The following SRSF1 variants were observed in gnomAD, a reference collection of about 807,000 sequenced individuals.
SRSF1 encodes serine/arginine-rich splicing factor 1.
In SRSF1, 1 loss-of-function variant was observed where a neutral mutation model predicts 25.9. The observed-to-expected ratio is 0.04, with a 90% CI of 0.01 to 0.18. The LOEUF (loss-of-function observed/expected upper bound fraction) is 0.18. SRSF1 is among the 10% of genes least tolerant of loss of function. SRSF1 has a pLI of 1.00. For synonymous variants in SRSF1, 132 were observed against 126.2 expected (o/e 1.05, Z -0.31); for missense variants, 65 against 350.5 (o/e 0.19, Z 6.50).
chr17:58,000,599 T>A (rs944444484), downstream of SRSF1, among the ~76,000 whole-genome samples: 1 of 152,174 alleles, frequency 6.6e-6, no homozygotes, highest in Admixed American at 6.5e-5. Context: ...TTTTTTCTTG[T>A]GGCTGCTTCA....
Position 58,007,147 on chromosome 17 carries a change from G to A in SRSF1, c.-10C>T. On this transcript the variant is annotated 5_prime_UTR_variant, in exon 1 of 4. Transcript: ENST00000258962. ...CACCACCTCCCGACATGGCGGTGAC[G>A]AAAAGCGCGGACTCGAGAACAGGCC... The A allele has an allele frequency of 1.2e-6, 2 of 1,613,458 alleles. No individual in the cohort carries two copies. Among genetic ancestry groups the A allele is most frequent in the Non-Finnish European group, 1.7e-6 (2 of 1,179,810 alleles).
rs2075416864 is a variant in SRSF1 at position 58,004,907 on chromosome 17, G to A, written c.*499C>T. The A allele has an allele frequency of 2.5e-6, 1 of 400,388 alleles. No individual in the cohort carries two copies. The highest frequency in any genetic ancestry group is 4.4e-6 in the Non-Finnish European group (1 of 227,086). 24.8% of individuals were successfully genotyped at this position (400,388 alleles called of 1,614,324 possible). A position where few individuals can be genotyped will look rare whatever the true frequency, so the allele number is the denominator to read the frequency against. ...ACTGCCAATTTCATCTGTGACAATAGCACTTGGAGTCATACCATTGCCTCC... is the reference window on the plus strand; with the variant it reads ...ACTGCCAATTTCATCTGTGACAATAACACTTGGAGTCATACCATTGCCTCC... On this transcript the variant is annotated 3_prime_UTR_variant, in exon 4 of 4. Coordinates refer to ENST00000258962, the MANE Select transcript of SRSF1 (RefSeq NM_006924.5).
At chr17:57,996,980 A>G (rs2075367935), downstream of SRSF1, among the ~76,000 whole-genome samples, 1 of 152,236 alleles carries the variant, frequency 6.6e-6, no homozygotes, top group Non-Finnish European at 1.5e-5. Context: ...CCAAAGAGAA[A>G]TATGCAGGAA....
chr17:58,000,103 C>T (rs1169481522), downstream of SRSF1, among the ~76,000 whole-genome samples: 1 of 152,066 alleles, frequency 6.6e-6, no homozygotes, highest in Non-Finnish European at 1.5e-5. Context: ...ATGACAGAGT[C>T]ATTTATTCAA....
At chr17:57,997,252 G>A (rs2075368871), downstream of SRSF1, among the ~76,000 whole-genome samples, 1 of 152,118 alleles carries the variant, frequency 6.6e-6, no homozygotes, top group Admixed American at 6.5e-5. Context: ...CTTGGACTTA[G>A]GCTAGCATTT....
rs1598058848 is a variant in SRSF1 at position 58,001,741 on chromosome 17, T to C, written c.*3665A>G. Among the ~76,000 whole-genome samples the C allele has an allele frequency of 6.6e-6, 1 of 152,216 alleles. No individual in the cohort carries two copies. Among genetic ancestry groups the C allele is most frequent in the African/African-American group, 2.4e-5 (1 of 41,454 alleles). On this transcript the variant is annotated 3_prime_UTR_variant, in exon 4 of 4. Coordinates refer to ENST00000258962, the MANE Select transcript of SRSF1 (RefSeq NM_006924.5). ...CGGATAGAGACCTAAAGGTCCATTT[T>C]CTGAGACTATAAATAGGAGCAGTCC...
chr17:57,990,151 A>G, the SRSF1 span: 1 of 158,960 alleles, frequency 6.3e-6, no homozygotes, highest in Non-Finnish European at 1.4e-5. Flanking sequence ...TATTCTAATG[A>G]CAATATCGCT....
At chr17:57,992,522 C>T in the SRSF1 span, 7 of 152,250 alleles carry the variant, frequency 4.6e-5, no homozygotes, top group Admixed American at 4.6e-4. Flanking sequence ...AATTCCTACA[C>T]AAAGTTTCTC....
chr17:57,996,948 A>C (rs918226562), downstream of SRSF1, among the ~76,000 whole-genome samples: 11 of 152,212 alleles, frequency 7.2e-5, no homozygotes, highest in African/African-American at 1.4e-4. Context: ...AACAACAAAA[A>C]AACAACCAAA....
chr17:57,993,516 T>C, the SRSF1 span: 8 of 152,254 alleles, frequency 5.3e-5, no homozygotes, highest in African/African-American at 1.7e-4. Flanking sequence ...ACTCAGCATC[T>C]ACTCTTTAAG....
intron 2 of SRSF1, 38 bp downstream of exon 2, chr17:58,006,305 C>T: frequency 6.4e-7 from 1 of 1,553,678 alleles, no homozygotes. Flanking sequence ...AGGTAGTTTT[C>T]GTCCCTTCAC....
the SRSF1 span, among the ~76,000 whole-genome samples, chr17:57,995,125 A>AG: frequency 6.6e-6 from 1 of 152,268 alleles, no homozygotes; most frequent in Admixed American, 6.5e-5. Flanking sequence ...CCTAAGAGAT[A>AG]GTATGTGTAG....
chr17:58,000,762 G>A (rs1315749165), downstream of SRSF1, among the ~76,000 whole-genome samples: 1 of 152,114 alleles, frequency 6.6e-6, no homozygotes, highest in Non-Finnish European at 1.5e-5. Flanking sequence ...TTTGGAGACA[G>A]ACATATCTGG....
intron 2 of SRSF1, 143 bp downstream of exon 2, chr17:58,006,200 C>A: frequency 8.9e-7 from 1 of 1,127,572 alleles, no homozygotes. Flanking sequence ...CAGCAGCAAT[C>A]CTCGTTTATT....
In SRSF1 at chr17:58,002,363, T is replaced by G. The variant is rs922670770; in HGVS notation, c.*3043A>C. ...TTACACATTTCTTCCACTACCAAGATTTCTGGTTTTCCTTAGGTTTTTAAT... is the reference window on the plus strand; with the variant it reads ...TTACACATTTCTTCCACTACCAAGAGTTCTGGTTTTCCTTAGGTTTTTAAT... On this transcript the variant is annotated 3_prime_UTR_variant, in exon 4 of 4. Transcript: ENST00000258962. 2.0e-5 allele frequency among the ~76,000 whole-genome samples: 3 copies of G among 152,214 alleles called. No individual in the cohort carries two copies. Among genetic ancestry groups the G allele is most frequent in the African/African-American group, 7.2e-5 (3 of 41,460 alleles).
rs1370292987 is a variant in SRSF1, at chr17:58,005,388, A to G, written c.*18T>C. The G allele has an allele frequency of 6.2e-7, 1 of 1,612,032 alleles. No individual in the cohort carries two copies. Among genetic ancestry groups the G allele is most frequent in the Non-Finnish European group, 8.5e-7 (1 of 1,178,116 alleles). On this transcript the variant is annotated 3_prime_UTR_variant, in exon 4 of 4. Coordinates refer to ENST00000258962, the MANE Select transcript of SRSF1 (RefSeq NM_006924.5). This position sits in a 1 kb window ranked among gnomAD's most constrained non-coding sequence, Gnocchi z 5.2. The stretch of plus-strand genomic sequence containing the variant: ...ACTGTATACAACATGGGTTCTACAA[A>G]AAGTGTCACCAATCATCTTATGTAC...
chr17:58,006,797 C>T, intron 1 of SRSF1, 147 bp downstream of exon 1: 1 of 1,047,924 alleles, frequency 9.5e-7, no homozygotes, highest in Non-Finnish European at 1.4e-6. Flanking sequence ...CAACTCAGCT[C>T]CTTACTCGAC....
rs768597963 is a variant in SRSF1 at position 58,005,650 on chromosome 17, C to T, written c.553-50G>A. 1.2e-6 allele frequency: 2 copies of T among 1,610,220 alleles called. No homozygotes were observed. Among genetic ancestry groups the T allele is most frequent in the East Asian group, 2.2e-5 (1 of 44,826 alleles). ...TTGAAAGATCTAAGCTTTCATCTATCTTCAGACATGCTGAATGAATACAAT... is the reference window on the plus strand; with the variant it reads ...TTGAAAGATCTAAGCTTTCATCTATTTTCAGACATGCTGAATGAATACAAT... On this transcript the variant is annotated intron_variant, in intron 3 of 3. Transcript: ENST00000258962. This position sits in a 1 kb window ranked among gnomAD's most constrained non-coding sequence, Gnocchi z 5.2.
At chr17:57,996,660 C>T (rs1428437027), downstream of SRSF1, among the ~76,000 whole-genome samples, 1 of 152,008 alleles carries the variant, frequency 6.6e-6, no homozygotes, top group East Asian at 1.9e-4. Context: ...TTCAAGAATG[C>T]TTCAGTCATT....
Sources: gnomAD v4.1 joint callset for allele counts (sites outside exome capture counted in the v4.1 genomes callset) on GRCh38, gnomAD v4.1.1 for gene constraint, Gnocchi (gnomAD v3.1) non-coding constraint, MANE v1.5 for transcripts, NCBI Gene and HGNC (gene_info 2026-07-23, HGNC 2026-07-21) for gene names.